Variants in MARCHF1 observed in about 807,000 individuals in gnomAD.
MARCHF1 encodes the protein E3 ubiquitin-protein ligase MARCHF1.
A neutral mutation model predicts 54.2 loss-of-function variants in MARCHF1; 40 were observed. That is an observed-to-expected ratio of 0.74 (90% CI 0.57 to 0.96). The LOEUF (loss-of-function observed/expected upper bound fraction) is 0.96, where lower values mean the gene tolerates loss of function less well. MARCHF1 is among the 40% of genes least tolerant of loss of function. The probability of loss-of-function intolerance (pLI) is 0.00; values close to 1 mark genes in which losing one functional copy is unlikely to be tolerated. For missense variants in MARCHF1, 586 were observed against 656.5 expected (o/e 0.89, Z 1.17); for synonymous variants, 236 against 236.3 (o/e 1.00, Z 0.01).
chr4:164,060,484 CTTGTT>C (rs1011386578), intron 2 of MARCHF1, among the ~76,000 whole-genome samples: 70 of 152,134 alleles, frequency 4.6e-4, no homozygotes, highest in African/African-American at 1.6e-3. Context: ...GATAGTATTT[CTTGTT>C]TTATTTGTAG....
Position 163,527,599 on chromosome 4 carries a change from T to G in MARCHF1, c.*1149A>C, listed in dbSNP as rs1363125296. ...TCATCTGACTTTAAAATGAGGACAC[T>G]TAATTTAATGCTTTTAAAAATCATA... On this transcript the variant is annotated 3_prime_UTR_variant, in exon 10 of 10. Coordinates refer to ENST00000514618, the MANE Select transcript of MARCHF1 (RefSeq NM_001394959.1). 2 of 151,202 alleles carry G rather than the reference T, an allele frequency of 1.3e-5. No homozygotes were observed. The highest frequency in any genetic ancestry group is 2.4e-5 in the African/African-American group (1 of 41,206). 9.4% of individuals were successfully genotyped at this position (151,202 alleles called of 1,614,324 possible). A position where few individuals can be genotyped will look rare whatever the true frequency, so the allele number is the denominator to read the frequency against.
At chr4:164,331,136 AAATAAT>A (rs993814241) in intron 1 of MARCHF1, among the ~76,000 whole-genome samples, 2 of 152,122 alleles carry the variant, frequency 1.3e-5, no homozygotes, top group Non-Finnish European at 2.9e-5. Context: ...TTTTATTTAA[AAATAAT>A]AATAATGAGA....
intron 5 of MARCHF1, among the ~76,000 whole-genome samples, chr4:163,653,501 G>C (rs569760269): frequency 3.3e-5 from 5 of 151,736 alleles, no homozygotes; most frequent in Non-Finnish European, 7.4e-5. Context: ...TAGTTATCAG[G>C]TTACGGTAAC....
At chr4:163,761,706 G>A (rs1746830161) in intron 4 of MARCHF1, among the ~76,000 whole-genome samples, 1 of 152,154 alleles carries the variant, frequency 6.6e-6, no homozygotes, top group African/African-American at 2.4e-5. Context: ...ATGTTCTTCA[G>A]TCTAGCCAAG....
intron 9 of MARCHF1, chr4:163,529,906 G>A (rs1714501111): frequency 6.6e-6 from 1 of 151,882 alleles, no homozygotes; most frequent in Non-Finnish European, 1.5e-5. Context: ...GTGGTGTGGG[G>A]GACAATAGCT....
At chr4:163,539,650 T>C (rs1738662239) in intron 9 of MARCHF1, among the ~76,000 whole-genome samples, 1 of 152,184 alleles carries the variant, frequency 6.6e-6, no homozygotes, top group Non-Finnish European at 1.5e-5. Flanking sequence ...GGAGGAAGTC[T>C]AGTTAGTTGT....
chr4:164,240,377 A>G (rs1167938687), intron 1 of MARCHF1, among the ~76,000 whole-genome samples: 1 of 152,188 alleles, frequency 6.6e-6, no homozygotes, highest in African/African-American at 2.4e-5. Flanking sequence ...TGCTTTCTGC[A>G]ATGTATATTG....
intron 4 of MARCHF1, among the ~76,000 whole-genome samples, chr4:163,789,993 A>G (rs185442803): frequency 3.0e-4 from 45 of 152,246 alleles, no homozygotes; most frequent in African/African-American, 1.1e-3. Flanking sequence ...CCAGTTCAGT[A>G]AGTATAACTA....
At chr4:163,663,442 TA>T (rs1253893775) in intron 5 of MARCHF1, among the ~76,000 whole-genome samples, 2 of 152,096 alleles carry the variant, frequency 1.3e-5, no homozygotes, top group Admixed American at 6.5e-5. Context: ...TTCTTTTTCC[TA>T]GCACAGCTGA....
chr4:163,545,947 ATGTGTG>A (rs70948653), intron 8 of MARCHF1, among the ~76,000 whole-genome samples: 28,648 of 148,842 alleles, frequency 0.19, 3,048 homozygotes, highest in East Asian at 0.32. Context: ...TTAAATACAT[ATGTGTG>A]TGTGTGTGTG....
At chr4:163,957,502 T>A (rs1188987065) in intron 3 of MARCHF1, among the ~76,000 whole-genome samples, 4 of 152,034 alleles carry the variant, frequency 2.6e-5, no homozygotes, top group African/African-American at 9.7e-5. Flanking sequence ...AAAAGTTTTT[T>A]AAAAATGTGT....
chr4:164,303,751 C>CCCA (rs10623220), intron 1 of MARCHF1, among the ~76,000 whole-genome samples: 143,947 of 152,150 alleles, frequency 0.95, 68,176 homozygotes, highest in East Asian at 0.99. Context: ...CCATCGCCTC[C>CCCA]CCAACACATA....
intron 3 of MARCHF1, among the ~76,000 whole-genome samples, chr4:163,938,693 T>C (rs1331621449): frequency 6.6e-6 from 1 of 152,050 alleles, no homozygotes; most frequent in Non-Finnish European, 1.5e-5. Flanking sequence ...AGGAAGGAGA[T>C]TTAATTAAAT....
intron 5 of MARCHF1, among the ~76,000 whole-genome samples, chr4:163,634,561 T>G (rs1465281364): frequency 6.6e-6 from 1 of 151,864 alleles, no homozygotes; most frequent in Admixed American, 6.6e-5. Context: ...CCTAAATATA[T>G]ATGCACCCAA....
intron 4 of MARCHF1, among the ~76,000 whole-genome samples, chr4:163,759,436 T>C (rs974466102): frequency 1.3e-5 from 2 of 152,198 alleles, no homozygotes; most frequent in African/African-American, 4.8e-5. Context: ...AATGATCTCA[T>C]GATGTGATCA....
intron 7 of MARCHF1, among the ~76,000 whole-genome samples, chr4:163,590,217 T>C (rs1740544228): frequency 6.6e-6 from 1 of 150,630 alleles, no homozygotes; most frequent in Admixed American, 6.7e-5. Flanking sequence ...GGTAGAATCA[T>C]ATTTTTTTCT....
At chr4:163,644,858 A>G (rs114969378) in intron 5 of MARCHF1, among the ~76,000 whole-genome samples, 1,882 of 152,272 alleles carry the variant, frequency 0.012, 40 homozygotes, top group African/African-American at 0.042. Flanking sequence ...AAAAGTCCCT[A>G]TAATTCAGCT....
rs187456362 is a variant in MARCHF1, at chr4:164,145,235, C to G, written c.-322-33573G>C. The stretch of plus-strand genomic sequence containing the variant: ...CAGATGGATTCACAGCCGAATTTTA[C>G]CAGAGGTAAAAGGAAGAACTGGTAC... On this transcript the variant is annotated intron_variant, in intron 1 of 9. Transcript: ENST00000514618. Among the ~76,000 whole-genome samples, 435 of 152,232 alleles carry G rather than the reference C, an allele frequency of 2.9e-3. 2 individuals are homozygous for G. Among genetic ancestry groups the G allele is most frequent in the African/African-American group, 9.7e-3 (403 of 41,536 alleles).
At chr4:163,641,181 C>G (rs1163934212) in intron 5 of MARCHF1, among the ~76,000 whole-genome samples, 1 of 152,068 alleles carries the variant, frequency 6.6e-6, no homozygotes, top group African/African-American at 2.4e-5. Flanking sequence ...TAAATAGTGT[C>G]TGCTATCAGA....
Sources: allele counts gnomAD v4.1 joint callset (sites outside exome capture counted in the v4.1 genomes callset), GRCh38; gene constraint gnomAD v4.1.1; transcripts MANE v1.5; gene names NCBI Gene and HGNC (gene_info 2026-07-23, HGNC 2026-07-21).